SLC39A14: variants seen among roughly 807,000 people sequenced by gnomAD.
SLC39A14 encodes the protein metal cation symporter ZIP14.
SLC39A14 carries 19 observed loss-of-function variants against 45.5 expected under a neutral mutation model. The observed-to-expected ratio is 0.42, with a 90% CI of 0.29 to 0.61. The LOEUF is 0.61. Ranked by LOEUF, SLC39A14 falls within the 20% of genes least tolerant of loss-of-function variation. SLC39A14 has a pLI of 0.22. For missense variants in SLC39A14, 447 were observed against 616.5 expected (o/e 0.73, Z 2.91); for synonymous variants, 264 against 251.3 (o/e 1.05, Z -0.48).
At chr8:22,408,648 G>C in intron 3 of SLC39A14, 152 bp downstream of exon 3, 1 of 720,668 alleles carries the variant, frequency 1.4e-6, no homozygotes, top group Non-Finnish European at 2.2e-6. Context: ...GCGATGATTG[G>C]ATGGATAATT....
At chr8:22,380,103 A>G (rs1029608645) in intron 1 of SLC39A14, among the ~76,000 whole-genome samples, 2 of 152,206 alleles carry the variant, frequency 1.3e-5, no homozygotes, top group African/African-American at 4.8e-5. Context: ...TGCGTAGGTT[A>G]TATGCAAATA....
chr8:22,425,883 G>GTTTTTTTT (rs72023394), downstream of SLC39A14, among the ~76,000 whole-genome samples: 26 of 140,938 alleles, frequency 1.8e-4, no homozygotes, highest in South Asian at 7.1e-4. Flanking sequence ...GCTCTAGATG[G>GTTTTTTTT]TTTTTGTTTT....
chr8:22,401,740 T>A (rs1834881781), intron 1 of SLC39A14, among the ~76,000 whole-genome samples: 1 of 151,986 alleles, frequency 6.6e-6, no homozygotes, highest in African/African-American at 2.4e-5. Flanking sequence ...TTCACCGTGT[T>A]GGCCAGGCTG....
In SLC39A14 at chr8:22,404,749, C is replaced by T. The variant is rs1226029036; in HGVS notation, c.39C>T (p.Cys13=). The change falls in exon 2 of 9, where the codon TGC becomes TGT. Residue 13 remains cysteine, a synonymous_variant. Transcript: ENST00000381237. ...LLLLHPAFQS[C]LLLTLLGLWR... is the part of the protein sequence containing the mutation. The stretch of plus-strand genomic sequence containing the variant: ...TGCTGCACCCGGCCTTCCAGAGCTG[C>T]CTCCTGCTGACCCTGCTTGGCTTAT... The T allele has an allele frequency of 6.2e-7, 1 of 1,613,762 alleles. No individual in the cohort carries two copies. Among genetic ancestry groups the T allele is most frequent in the South Asian group, 1.1e-5 (1 of 91,082 alleles).
chr8:22,382,551 G>T (rs1833568622), intron 1 of SLC39A14, among the ~76,000 whole-genome samples: 1 of 152,132 alleles, frequency 6.6e-6, no homozygotes, highest in Non-Finnish European at 1.5e-5. Context: ...GGTGGCATGT[G>T]CCTGTAGTCC....
chr8:22,400,697 C>T (rs975765100), intron 1 of SLC39A14, among the ~76,000 whole-genome samples: 1 of 152,116 alleles, frequency 6.6e-6, no homozygotes, highest in Non-Finnish European at 1.5e-5. Flanking sequence ...ATTTTATGTC[C>T]CCAGATTCTG....
intron 1 of SLC39A14, among the ~76,000 whole-genome samples, chr8:22,394,653 T>A (rs960985335): frequency 6.6e-6 from 1 of 152,192 alleles, no homozygotes; most frequent in African/African-American, 2.4e-5. Context: ...AGGGTTTTAA[T>A]GCTCACCGTC....
intron 1 of SLC39A14, among the ~76,000 whole-genome samples, chr8:22,374,558 AC>A (rs926344763): frequency 4.1e-5 from 5 of 121,502 alleles, no homozygotes; most frequent in Non-Finnish European, 8.2e-5. Context: ...GGGATGGTAC[AC>A]GTGGCCCAGA....
intron 2 of SLC39A14, 81 bp downstream of exon 2, chr8:22,405,061 G>A (rs1835133930): frequency 7.4e-7 from 1 of 1,360,120 alleles, no homozygotes; most frequent in Non-Finnish European, 1.0e-6. Context: ...TGGGCCCAGG[G>A]CAGCCTGGCA....
At chr8:22,395,150 C>T (rs1834315363) in intron 1 of SLC39A14, among the ~76,000 whole-genome samples, 1 of 152,002 alleles carries the variant, frequency 6.6e-6, no homozygotes, top group Non-Finnish European at 1.5e-5. Context: ...GCTGAGACTA[C>T]AGGTGTGCGC....
rs1240799503 is a variant in SLC39A14 at position 22,380,068 on chromosome 8, TG to T, written c.-16+12662del. On this transcript the variant is annotated intron_variant, in intron 1 of 8. Coordinates refer to ENST00000381237, the MANE Select transcript of SLC39A14 (RefSeq NM_001128431.4). ...TTCAATACTATAAGTAACCTAGAGATGGTTTAAAGTCTATAGGGAGGAAGTG... is the reference window on the plus strand; with the variant it reads ...TTCAATACTATAAGTAACCTAGAGATGTTTAAAGTCTATAGGGAGGAAGTG... 3.3e-5 allele frequency among the ~76,000 whole-genome samples: 5 copies of T among 151,980 alleles called. No individual in the cohort carries two copies. The East Asian group carries it at 9.6e-4, about 29-fold the overall frequency.
chr8:22,374,626 T>A (rs1421466791), intron 1 of SLC39A14, among the ~76,000 whole-genome samples: 2 of 151,280 alleles, frequency 1.3e-5, no homozygotes, highest in African/African-American at 4.9e-5. Context: ...GGTCTAGGAG[T>A]CTTGAATGGC....
At chr8:22,371,021 C>A (rs184224619) in intron 1 of SLC39A14, among the ~76,000 whole-genome samples, 34 of 152,200 alleles carry the variant, frequency 2.2e-4, no homozygotes, top group Non-Finnish European at 4.1e-4. Flanking sequence ...CTTGTTCCCC[C>A]CTCCCCCCAC....
In SLC39A14 at chr8:22,419,713, C is replaced by G. The variant is rs777974202; in HGVS notation, c.*15C>G. On this transcript the variant is annotated 3_prime_UTR_variant, in exon 9 of 9. Coordinates refer to ENST00000381237, the MANE Select transcript of SLC39A14 (RefSeq NM_001128431.4). ...AGATTGGGTAGGGCTCTGCCAAGAGCCTGTGGGACTGGAAGTCGGGCCCTG... is the reference window on the plus strand; with the variant it reads ...AGATTGGGTAGGGCTCTGCCAAGAGGCTGTGGGACTGGAAGTCGGGCCCTG... The G allele has an allele frequency of 6.4e-7, 1 of 1,571,524 alleles. No homozygotes were observed. Among genetic ancestry groups the G allele is most frequent in the African/African-American group, 1.4e-5 (1 of 73,294 alleles).
intron 1 of SLC39A14, among the ~76,000 whole-genome samples, chr8:22,381,207 C>T (rs1833489382): frequency 6.6e-6 from 1 of 152,032 alleles, no homozygotes; most frequent in African/African-American, 2.4e-5. Context: ...CTCCTAACCT[C>T]GTGATCTGCC....
chr8:22,389,974 G>C (rs753718243), intron 1 of SLC39A14: 1 of 156,118 alleles, frequency 6.4e-6, no homozygotes, highest in Non-Finnish European at 1.4e-5. Flanking sequence ...TTGAACCTAG[G>C]TATCTTTCTC....
intron 1 of SLC39A14, among the ~76,000 whole-genome samples, chr8:22,383,127 C>A (rs754357268): frequency 6.6e-6 from 1 of 152,178 alleles, no homozygotes; most frequent in African/African-American, 2.4e-5. Context: ...AGGACCACTG[C>A]CTCTGCTCAG....
downstream of SLC39A14, among the ~76,000 whole-genome samples, chr8:22,426,760 T>G (rs865833720): frequency 6.6e-6 from 1 of 152,048 alleles, no homozygotes. Flanking sequence ...CTCAGCTCAC[T>G]GCAACCTCCG....
chr8:22,422,085 T>G lies in SLC39A14; in HGVS notation c.*2387T>G. ...TTGGCAATTTCTTTTGATTTTTAGT[T>G]GTTGAATTTGCTGTTTCAAGCATTT... On this transcript the variant is annotated 3_prime_UTR_variant, in exon 9 of 9. Transcript: ENST00000381237. 7.1e-6 allele frequency: 7 copies of G among 985,432 alleles called. No individual in the cohort carries two copies. The highest frequency in any genetic ancestry group is 8.4e-6 in the Non-Finnish European group (7 of 829,928). 61.0% of individuals were successfully genotyped at this position (985,432 alleles called of 1,614,324 possible).
Sources: gnomAD v4.1 joint callset for allele counts (sites outside exome capture counted in the v4.1 genomes callset) on GRCh38, gnomAD v4.1.1 for gene constraint, MANE v1.5 for transcripts, NCBI Gene and HGNC (gene_info 2026-07-23, HGNC 2026-07-21) for gene names.